Variants in POLR3B observed in about 807,000 individuals in gnomAD.
POLR3B encodes RNA polymerase III subunit B.
In POLR3B, 96 loss-of-function variants were observed where a neutral mutation model predicts 147.4. That is an observed-to-expected ratio of 0.65 (90% CI 0.55 to 0.77). POLR3B has a LOEUF of 0.77. Among genes scored for constraint, POLR3B ranks in the 30% least tolerant of loss-of-function variants. The pLI, the probability that POLR3B is intolerant of heterozygous loss-of-function variation, is 0.00. For synonymous variants in POLR3B, 461 were observed against 485.9 expected (o/e 0.95, Z 0.67); for missense variants, 1,036 against 1,413.5 (o/e 0.73, Z 4.28).
chr12:106,376,313 A>G (rs774734164), intron 6 of POLR3B, 46 bp from the exon 7 acceptor site: 4 of 1,334,536 alleles, frequency 3.0e-6, no homozygotes, highest in Non-Finnish European at 3.2e-6. Context: ...AGCTTTTATC[A>G]TTGACAGCCT....
chr12:106,471,582 T>C (rs2038093457), intron 23 of POLR3B, among the ~76,000 whole-genome samples: 1 of 152,030 alleles, frequency 6.6e-6, no homozygotes, highest in Admixed American at 6.6e-5. Context: ...GAGCCATTCC[T>C]ATTTGGCCAT....
At position 106,432,605 on chromosome 12, in the gene POLR3B, A is replaced by G. The variant is rs1047807297; in HGVS notation, c.1627+125A>G. 6.1e-6 allele frequency: 5 copies of G among 820,986 alleles called. No individual in the cohort carries two copies. In the Middle Eastern group the frequency reaches 9.5e-4, roughly 156 times the overall value. 50.9% of individuals were successfully genotyped at this position (820,986 alleles called of 1,614,324 possible). A position where few individuals can be genotyped will look rare whatever the true frequency, so the allele number is the denominator to read the frequency against. ...TCTGGGCCCAGGTTGACCTTCACTT[A>G]AAGGTAGAAAATACAATGATAACAG... On this transcript the variant is annotated intron_variant, in intron 15 of 27. Transcript: ENST00000228347.
intron 1 of POLR3B, among the ~76,000 whole-genome samples, chr12:106,361,378 A>G (rs779677252): frequency 6.6e-6 from 1 of 152,196 alleles, no homozygotes; most frequent in Non-Finnish European, 1.5e-5. Flanking sequence ...ACTGGGATAA[A>G]TGGTGATATT....
chr12:106,405,677 A>G (rs532939599), intron 10 of POLR3B, among the ~76,000 whole-genome samples, 180 bp from the exon 11 acceptor site: 6 of 152,194 alleles, frequency 3.9e-5, no homozygotes, highest in African/African-American at 7.2e-5. Context: ...TGTGTTAGGC[A>G]GTATGCTATG....
intron 19 of POLR3B, among the ~76,000 whole-genome samples, chr12:106,452,378 A>C (rs2137025615): frequency 6.6e-6 from 1 of 152,320 alleles, no homozygotes; most frequent in Non-Finnish European, 1.5e-5. Flanking sequence ...TTCAGTGGTC[A>C]GTTGTAATGC....
Position 106,504,057 on chromosome 12 carries a change from T to C in POLR3B, c.3099-24T>C, listed in dbSNP as rs1218957723. 6 of 1,608,134 alleles carry C rather than the reference T, an allele frequency of 3.7e-6. No individual in the cohort carries two copies. In the South Asian group the frequency reaches 6.6e-5, roughly 18 times the overall value. On this transcript the variant is annotated intron_variant, in intron 26 of 27. Transcript: ENST00000228347. The surrounding 1 kb of genome is among the most constrained non-coding windows in gnomAD (Gnocchi z 4.6). ...GTTTGTTTAACAGAATAATAACACA[T>C]TTGTCTAATAACTTGTTTCAAAGGC...
At chr12:106,359,650 G>T (rs2136873416) in intron 1 of POLR3B, among the ~76,000 whole-genome samples, 1 of 152,278 alleles carries the variant, frequency 6.6e-6, no homozygotes, top group East Asian at 1.9e-4. Flanking sequence ...TTTTAACCGT[G>T]AAAAGTGAAT....
chr12:106,488,553 T>C (rs1438078088), intron 23 of POLR3B, among the ~76,000 whole-genome samples: 2 of 152,242 alleles, frequency 1.3e-5, no homozygotes, highest in African/African-American at 4.8e-5. Flanking sequence ...ACTTATCTGG[T>C]TGAGGCATAA....
At position 106,369,676 on chromosome 12, in the gene POLR3B, A is replaced by G; in HGVS notation, c.397A>G (p.Ile133Val). The change falls in exon 6 of 28, where the codon ATC (isoleucine) becomes GTC (valine). Residue 133 changes from isoleucine to valine, a missense_variant. Transcript: ENST00000228347. ...SQRIIRNALP[I>V]GRMPIMLRSS... The stretch of plus-strand genomic sequence containing the variant: ...GAGGATCATCCGCAATGCCTTACCT[A>G]TCGGCAGGTGAGAAATGAAATCCGT... 4 of 1,601,252 alleles carry G rather than the reference A, an allele frequency of 2.5e-6. No homozygotes were observed. Among genetic ancestry groups the G allele is most frequent in the Non-Finnish European group, 2.6e-6 (3 of 1,168,414 alleles).
rs762938255 is a variant in POLR3B, at chr12:106,430,268, T to C, written c.1264-5T>C. The C allele has an allele frequency of 6.2e-7, 1 of 1,611,692 alleles. No individual in the cohort carries two copies. The highest frequency in any genetic ancestry group is 8.5e-7 in the Non-Finnish European group (1 of 1,177,886). ...AATAGTCTTATGTCTTTCATCTCCC[T>C]ACAGGGAAATTGGTCTTTAAAGAGA... is the stretch of plus-strand genomic sequence containing the variant. On this transcript the variant is annotated splice_polypyrimidine_tract_variant and splice_region_variant and intron_variant, in intron 13 of 27. Transcript: ENST00000228347.
intron 22 of POLR3B, among the ~76,000 whole-genome samples, chr12:106,463,106 G>T (rs79013464): frequency 0.015 from 2,349 of 152,248 alleles, 29 homozygotes; most frequent in Non-Finnish European, 0.024. Flanking sequence ...GTAAGTAAAA[G>T]TGCTATTACT....
intron 20 of POLR3B, among the ~76,000 whole-genome samples, chr12:106,455,783 A>C (rs1422812022): frequency 6.6e-6 from 1 of 152,204 alleles, no homozygotes; most frequent in Non-Finnish European, 1.5e-5. Context: ...TTATGGCCAT[A>C]CACAATTTCC....
chr12:106,378,437 C>A, intron 8 of POLR3B, 53 bp downstream of exon 8: 1 of 1,064,952 alleles, frequency 9.4e-7, no homozygotes, highest in African/African-American at 1.6e-5. Context: ...TCCATTAGTC[C>A]TAAATGGCTA....
At position 106,413,489 on chromosome 12, in the gene POLR3B, T is replaced by C. The variant is rs1593027413; in HGVS notation, c.1101+2529T>C. On this transcript the variant is annotated intron_variant, in intron 12 of 27. Coordinates refer to ENST00000228347, the MANE Select transcript of POLR3B (RefSeq NM_018082.6). ...CATGCCATGTACCTTATAGGATTGT[T>C]ATGGGATTAGATGAATGATGTATAC... Among the ~76,000 whole-genome samples the C allele has an allele frequency of 2.6e-5, 4 of 152,260 alleles. No homozygotes were observed. In the South Asian group the frequency reaches 8.3e-4, roughly 32 times the overall value.
In POLR3B at chr12:106,454,555, G is replaced by A; in HGVS notation, c.2137G>A (p.Ala713Thr). ...NRIDTLMYLL[A>T]YPQKPMVKTK... ...AATTGATACTCTCATGTATCTACTA[G>A]CATATCCACAAAAACCCATGGTTAA... Residue 713 changes from alanine to threonine, a missense_variant, in exon 20 of 28, where the codon GCA becomes ACA. Transcript: ENST00000228347. The A allele has an allele frequency of 1.9e-6, 3 of 1,608,832 alleles. No individual in the cohort carries two copies. Among genetic ancestry groups the A allele is most frequent in the Middle Eastern group, 1.7e-4 (1 of 6,042 alleles).
chr12:106,454,623 T>G lies in POLR3B; in HGVS notation c.2205T>G (p.Ala735=). The G allele has an allele frequency of 6.2e-7, 1 of 1,612,322 alleles. No homozygotes were observed. The highest frequency in any genetic ancestry group is 8.5e-7 in the Non-Finnish European group (1 of 1,178,508). ...TGATAGAATTTGAGAAACTGCCAGCTGGACAGAATGCAACAGTTGCTGTGA... is the reference window on the plus strand; with the variant it reads ...TGATAGAATTTGAGAAACTGCCAGCGGGACAGAATGCAACAGTTGCTGTGA... ...IELIEFEKLP[A]GQNATVAVMS... Residue 735 remains alanine, a synonymous_variant, in exon 20 of 28, where the codon GCT becomes GCG. Transcript: ENST00000228347.
At chr12:106,440,016 A>C (rs890658176) in intron 18 of POLR3B, among the ~76,000 whole-genome samples, 1 of 152,192 alleles carries the variant, frequency 6.6e-6, no homozygotes, top group Non-Finnish European at 1.5e-5. Flanking sequence ...TACTTGGAAC[A>C]CCACTGCATT....
Position 106,369,287 on chromosome 12 carries a change from C to T in POLR3B, c.240C>T (p.Ile80=). The change falls in exon 5 of 28, where the codon ATC becomes ATT. Residue 80 remains isoleucine (I), a synonymous_variant. Coordinates refer to ENST00000228347, the MANE Select transcript of POLR3B (RefSeq NM_018082.6). ...DPMWYLKYLN[I]YVGLPDVEES... is the part of the protein sequence containing the mutation. ...ATTTGCTTTTCAGATATCTTAATATCTATGTTGGGCTTCCTGATGTTGAAG... is the reference window on the plus strand; with the variant it reads ...ATTTGCTTTTCAGATATCTTAATATTTATGTTGGGCTTCCTGATGTTGAAG... 6.3e-7 allele frequency: 1 copy of T among 1,585,088 alleles called. No individual in the cohort carries two copies. The highest frequency in any genetic ancestry group is 8.7e-7 in the Non-Finnish European group (1 of 1,153,614).
chr12:106,491,906 A>G (rs1309654738), intron 23 of POLR3B, among the ~76,000 whole-genome samples: 2 of 152,184 alleles, frequency 1.3e-5, no homozygotes, highest in Non-Finnish European at 2.9e-5. Context: ...TTCAAATGTG[A>G]TTACACTTAG....
Sources: gnomAD v4.1 joint callset for allele counts (sites outside exome capture counted in the v4.1 genomes callset) on GRCh38, gnomAD v4.1.1 for gene constraint, Gnocchi (gnomAD v3.1) non-coding constraint, MANE v1.5 for transcripts, NCBI Gene and HGNC (gene_info 2026-07-23, HGNC 2026-07-21) for gene names.